Variants in PHF3 observed in about 807,000 individuals in gnomAD.
The protein encoded by PHF3 is PHD finger protein 3.
Under a neutral mutation model 178.4 loss-of-function variants are expected in PHF3, and 41 were observed. The ratio of observed to expected loss-of-function variants is 0.23; its 90% CI spans 0.18 to 0.30. The LOEUF (loss-of-function observed/expected upper bound fraction) is 0.30. Among genes scored for constraint, PHF3 ranks in the 10% least tolerant of loss-of-function variants. The pLI is 1.00. For missense variants in PHF3, 2,346 were observed against 2,398.1 expected (o/e 0.98, Z 0.45); for synonymous variants, 842 against 800.5 (o/e 1.05, Z -0.88).
rs1768175459 is a variant in PHF3 at position 63,715,924 on chromosome 6, G to A, written c.*2216G>A. On this transcript the variant is annotated 3_prime_UTR_variant, in exon 16 of 16. Transcript: ENST00000262043. Reference sequence around the variant, plus strand: ...TGAATTACATGAATTTCATCTTTCAGTTTCTCCTGTTTTAAGAAAAAACCT... The same window carrying A: ...TGAATTACATGAATTTCATCTTTCAATTTCTCCTGTTTTAAGAAAAAACCT... Among the ~76,000 whole-genome samples the A allele has an allele frequency of 1.3e-5, 2 of 152,016 alleles. No individual in the cohort carries two copies. The highest frequency in any genetic ancestry group is 2.9e-5 in the Non-Finnish European group (2 of 68,004).
chr6:63,695,868 T>C lies in PHF3; in HGVS notation c.2680+1104T>C, dbSNP rs573301717. On this transcript the variant is annotated intron_variant, in intron 6 of 15. Coordinates refer to ENST00000262043, the MANE Select transcript of PHF3 (RefSeq NM_001370348.2). ...AAAGAAAAAGGTTTGGGGAAGAAAATTGAAAAATTATGTTTTGGCCATTAT... is the reference window on the plus strand; with the variant it reads ...AAAGAAAAAGGTTTGGGGAAGAAAACTGAAAAATTATGTTTTGGCCATTAT... 5.3e-5 allele frequency among the ~76,000 whole-genome samples: 8 copies of C among 152,190 alleles called. No individual in the cohort carries two copies. The South Asian group carries it at 1.2e-3, about 24-fold the overall frequency.
chr6:63,668,886 A>G (rs1304538376), intron 2 of PHF3, among the ~76,000 whole-genome samples: 2 of 152,034 alleles, frequency 1.3e-5, no homozygotes, highest in Non-Finnish European at 2.9e-5. Flanking sequence ...TTAGGACCAT[A>G]TTTTCCTCTG....
chr6:63,678,375 A>G (rs1582059344), intron 2 of PHF3, among the ~76,000 whole-genome samples: 1 of 152,190 alleles, frequency 6.6e-6, no homozygotes, highest in Non-Finnish European at 1.5e-5. Context: ...TCTTAAATTA[A>G]TCCTGATTAA....
chr6:63,709,636 C>T (rs1767841261), intron 14 of PHF3, among the ~76,000 whole-genome samples: 2 of 152,106 alleles, frequency 1.3e-5, no homozygotes, highest in South Asian at 2.1e-4. Flanking sequence ...GGAGTGTTGT[C>T]CTCAGCAGTC....
chr6:63,705,688 T>C (rs1767659761), intron 11 of PHF3, among the ~76,000 whole-genome samples: 1 of 152,218 alleles, frequency 6.6e-6, no homozygotes, highest in Non-Finnish European at 1.5e-5. Flanking sequence ...ACTCATGATA[T>C]GTTTTACATG....
At chr6:63,640,275 C>T (rs1340327420) in intron 1 of PHF3, among the ~76,000 whole-genome samples, 4 of 152,080 alleles carry the variant, frequency 2.6e-5, no homozygotes, top group Non-Finnish European at 4.4e-5. Context: ...ACTCTGTCCT[C>T]GAAGGATGGA....
At chr6:63,651,974 G>A (rs772453909) in intron 2 of PHF3, among the ~76,000 whole-genome samples, 11 of 152,024 alleles carry the variant, frequency 7.2e-5, no homozygotes, top group African/African-American at 2.2e-4. Context: ...GGTCGATTTC[G>A]TATTATGGCT....
In PHF3 at chr6:63,637,329, A is replaced by G. The variant is rs374818347; in HGVS notation, c.-26+1179A>G. 1.2e-4 allele frequency among the ~76,000 whole-genome samples: 18 copies of G among 152,320 alleles called. No homozygotes were observed. The East Asian group carries it at 3.3e-3, about 28-fold the overall frequency. ...TGATTGTTAAAGGCCTAACAAAACT[A>G]CGCCTCCATTATTCATTTTTCGATT... is the stretch of plus-strand genomic sequence containing the variant. On this transcript the variant is annotated intron_variant, in intron 1 of 15. Coordinates refer to ENST00000262043, the MANE Select transcript of PHF3 (RefSeq NM_001370348.2).
intron 2 of PHF3, among the ~76,000 whole-genome samples, chr6:63,653,524 TG>T (rs1319877334): frequency 1.3e-5 from 2 of 152,196 alleles, no homozygotes; most frequent in Non-Finnish European, 2.9e-5. Flanking sequence ...TGCTGACTTT[TG>T]TATGTTTATT....
chr6:63,679,906 A>C, intron 2 of PHF3, 94 bp from the exon 3 acceptor site: 5 of 1,008,626 alleles, frequency 5.0e-6, no homozygotes, highest in Non-Finnish European at 3.1e-6. Context: ...GTAGTGTTAC[A>C]TTAAGACTAT....
At chr6:63,662,723 A>G (rs770357032) in intron 2 of PHF3, among the ~76,000 whole-genome samples, 3 of 152,218 alleles carry the variant, frequency 2.0e-5, no homozygotes, top group Non-Finnish European at 4.4e-5. Context: ...TGAATCGTGA[A>G]TGACAAATTA....
At position 63,720,112 on chromosome 6, in the gene PHF3, G is replaced by C. The variant is rs986051048; in HGVS notation, c.*6404G>C. Reference sequence around the variant, plus strand: ...TGTTGAATCATATAAATAAGTTGTAGCTAAGCCATGTAATACAATATGGTT... The same window carrying C: ...TGTTGAATCATATAAATAAGTTGTACCTAAGCCATGTAATACAATATGGTT... On this transcript the variant is annotated 3_prime_UTR_variant, in exon 16 of 16. Transcript: ENST00000262043. 6.3e-6 allele frequency: 1 copy of C among 158,164 alleles called. No individual in the cohort carries two copies. The highest frequency in any genetic ancestry group is 1.4e-5 in the Non-Finnish European group (1 of 72,320). 9.8% of individuals were successfully genotyped at this position (158,164 alleles called of 1,614,324 possible).
At chr6:63,687,181 C>G (rs1766750052) in intron 4 of PHF3, among the ~76,000 whole-genome samples, 1 of 152,148 alleles carries the variant, frequency 6.6e-6, no homozygotes, top group Non-Finnish European at 1.5e-5. Context: ...CTTTGGGAGG[C>G]TGAGGTGGGC....
chr6:63,722,803 G>A lies in PHF3; in HGVS notation c.*9095G>A, dbSNP rs1010983292. ...TTCTTTCCTTCTATTCTCCATTGTGGTCTATACCAAGCCATTCTAGACTGG... is the reference window on the plus strand; with the variant it reads ...TTCTTTCCTTCTATTCTCCATTGTGATCTATACCAAGCCATTCTAGACTGG... On this transcript the variant is annotated 3_prime_UTR_variant, in exon 16 of 16. Transcript: ENST00000262043. 1.3e-5 allele frequency among the ~76,000 whole-genome samples: 2 copies of A among 152,082 alleles called. No individual in the cohort carries two copies. The highest frequency in any genetic ancestry group is 4.8e-5 in the African/African-American group (2 of 41,392).
At chr6:63,657,757 T>G (rs139768597) in intron 2 of PHF3, among the ~76,000 whole-genome samples, 51 of 152,314 alleles carry the variant, frequency 3.3e-4, no homozygotes, top group Middle Eastern at 6.8e-3. Context: ...TCTCTCTTTA[T>G]ATATAGTCTG....
At chr6:63,681,801 A>G (rs1427456834) in intron 3 of PHF3, among the ~76,000 whole-genome samples, 1 of 152,098 alleles carries the variant, frequency 6.6e-6, no homozygotes, top group Admixed American at 6.6e-5. Flanking sequence ...CTCTCCTGAA[A>G]TGTCTGACCC....
chr6:63,636,047 C>T lies in PHF3; in HGVS notation c.-129C>T, dbSNP rs1324722998. 2.5e-6 allele frequency: 1 copy of T among 394,900 alleles called. No individual in the cohort carries two copies. The allele number at this position is 394,900 out of a possible 1,614,324, so 24.5% of individuals were successfully genotyped here. A position where few individuals can be genotyped will look rare whatever the true frequency, so the allele number is the denominator to read the frequency against. ...GACGCCGACGTCCTGCGCGTACCCC[C>T]TCTCCGCGGCACCCACCGGGCCCCC... On this transcript the variant is annotated 5_prime_UTR_variant, in exon 1 of 16. Coordinates refer to ENST00000262043, the MANE Select transcript of PHF3 (RefSeq NM_001370348.2).
chr6:63,658,650 C>T (rs1424863248), intron 2 of PHF3, among the ~76,000 whole-genome samples: 1 of 150,418 alleles, frequency 6.6e-6, no homozygotes, highest in East Asian at 2.0e-4. Flanking sequence ...AGTAATAAAG[C>T]TATTAACAAA....
Position 63,712,135 on chromosome 6 carries a change from CTGA to C in PHF3, c.4550_4552del (p.Asp1517del). The C allele has an allele frequency of 6.2e-7, 1 of 1,613,316 alleles. No individual in the cohort carries two copies. The highest frequency in any genetic ancestry group is 8.5e-7 in the Non-Finnish European group (1 of 1,179,762). ...GAGAAAACAGATAATGTGGAAGTAA[CTGA>C]TGGTGAAAACAAGGAGATAAAAGTT... On this transcript the variant is annotated inframe_deletion, in exon 16 of 16. Transcript: ENST00000262043.
Sources: gnomAD v4.1 joint callset for allele counts (sites outside exome capture counted in the v4.1 genomes callset) on GRCh38, gnomAD v4.1.1 for gene constraint, MANE v1.5 for transcripts, NCBI Gene and HGNC (gene_info 2026-07-23, HGNC 2026-07-21) for gene names.